The following CCNF variants were observed in gnomAD, a reference collection of about 807,000 sequenced individuals.
The protein encoded by CCNF is cyclin F.
CCNF carries 30 observed loss-of-function variants against 85.4 expected under a neutral mutation model. That is an observed-to-expected ratio of 0.35 (90% CI 0.26 to 0.48). The LOEUF is 0.48. CCNF is among the 20% of genes least tolerant of loss of function. The pLI is 0.99. For synonymous variants in CCNF, 439 were observed against 425.1 expected (o/e 1.03, Z -0.40); for missense variants, 919 against 1,010.4 (o/e 0.91, Z 1.23).
chr16:2,433,094 A>C, intron 3 of CCNF, 27 bp downstream of exon 3: 4 of 1,462,752 alleles, frequency 2.7e-6, no homozygotes, highest in Non-Finnish European at 3.8e-6. Context: ...AGAATGGCTC[A>C]GTCTTCTCCT....
At position 2,438,136 on chromosome 16, in the gene CCNF, G is replaced by C. The variant is rs763581056; in HGVS notation, c.594+13G>C. ...GAGTCTGTTCGAGGTGAGTCAAGTT[G>C]TTCTCTGCACTGGGACTTTGTGTTC... On this transcript the variant is annotated intron_variant, in intron 6 of 16. Coordinates refer to ENST00000397066, the MANE Select transcript of CCNF (RefSeq NM_001761.3). 6.3e-7 allele frequency: 1 copy of C among 1,590,284 alleles called. No homozygotes were observed. The highest frequency in any genetic ancestry group is 1.7e-5 in the Admixed American group (1 of 59,998).
In CCNF at chr16:2,456,686, A is replaced by C; in HGVS notation, c.2027A>C (p.Gln676Pro). 1 of 1,613,570 alleles carries C rather than the reference A, an allele frequency of 6.2e-7. No homozygotes were observed. The highest frequency in any genetic ancestry group is 8.5e-7 in the Non-Finnish European group (1 of 1,179,912). Residue 676 changes from glutamine (Q) to proline (P), a missense_variant, in exon 17 of 17, where the codon CAG becomes CCG. Gln to Pro is a moderately conservative substitution (Grantham distance 76). This residue lies in a region of CCNF where 505 missense variants were observed against 514.8 expected (regional missense o/e 0.98). Transcript: ENST00000397066. The surrounding 1 kb of genome is among the most constrained non-coding windows in gnomAD (Gnocchi z 4.5). Reference protein sequence around the residue: ...QDPQALALDTQIPATPGPKPL... With the variant: ...QDPQALALDTPIPATPGPKPL... ...CCACAGGCACTGGCGCTGGACACCC[A>C]GATCCCTGCAACCCCTGGACCCAAA...
At position 2,452,873 on chromosome 16, in the gene CCNF, T is replaced by C; in HGVS notation, c.1488-337T>C. 6.0e-6 allele frequency: 2 copies of C among 333,360 alleles called. No homozygotes were observed. The highest frequency in any genetic ancestry group is 1.8e-3 in the Middle Eastern group (2 of 1,082). 20.7% of individuals were successfully genotyped at this position (333,360 alleles called of 1,614,324 possible). On this transcript the variant is annotated intron_variant, in intron 13 of 16. Coordinates refer to ENST00000397066, the MANE Select transcript of CCNF (RefSeq NM_001761.3). The surrounding 1 kb of genome is among the most constrained non-coding windows in gnomAD (Gnocchi z 4.1). Reference sequence around the variant, plus strand: ...TGTCCATGTGGTGTGTGTCCCTGCTTTGTTCTTTTTCATGGCTGAATAATA... The same window carrying C: ...TGTCCATGTGGTGTGTGTCCCTGCTCTGTTCTTTTTCATGGCTGAATAATA...
chr16:2,440,356 C>T (rs983060061), intron 8 of CCNF, among the ~76,000 whole-genome samples: 24 of 152,306 alleles, frequency 1.6e-4, no homozygotes, highest in Middle Eastern at 3.4e-3. Flanking sequence ...CGGTGGCTCA[C>T]GCCTGAAATC....
chr16:2,435,622 CACACACA>C, intron 3 of CCNF, among the ~76,000 whole-genome samples, 177 bp from the exon 4 acceptor site: 1 of 11,076 alleles, frequency 9.0e-5, no homozygotes, highest in African/African-American at 2.5e-3. Flanking sequence ...TGCACACACA[CACACACA>C]TATATATGCA....
At chr16:2,435,564 A>T (rs896488369) in intron 3 of CCNF, among the ~76,000 whole-genome samples, 6 of 151,452 alleles carry the variant, frequency 4.0e-5, no homozygotes, top group Non-Finnish European at 8.8e-5. Context: ...CAGCCTGGGC[A>T]ACAGAGCAAG....
rs757704196 is a variant in CCNF at position 2,453,256 on chromosome 16, G to T, written c.1534G>T (p.Ala512Ser). 1 of 1,613,870 alleles carries T rather than the reference G, an allele frequency of 6.2e-7. No individual in the cohort carries two copies. The highest frequency in any genetic ancestry group is 1.1e-5 in the South Asian group (1 of 91,084). Residue 512 changes from alanine to serine, a missense_variant, in exon 14 of 17, where the codon GCC becomes TCC. Around this residue, in one of 3 missense-constraint regions of CCNF, gnomAD observed 505 missense variants for 514.8 expected, o/e 0.98. Transcript: ENST00000397066. This position sits in a 1 kb window ranked among gnomAD's most constrained non-coding sequence, Gnocchi z 5.6. ...GGACTACAGGCAAGTCTCTCTGACC[G>T]CCGTGAAGCAGCGGTTTGAGGACAA... ...PKDYRQVSLT[A>S]VKQRFEDKRY...
rs569460165 is a variant in CCNF, at chr16:2,444,390, C to T, written c.929+590C>T. Among the ~76,000 whole-genome samples, 451 of 150,974 alleles carry T rather than the reference C, an allele frequency of 3.0e-3. 3 individuals carry two copies. The highest frequency in any genetic ancestry group is 5.3e-3 in the Non-Finnish European group (362 of 67,730). Reference sequence around the variant, plus strand: ...TCTCGGCTCACTGCAAGCTCCACCTCCCGGGTTCACACCATTCTCCTGCCT... The same window carrying T: ...TCTCGGCTCACTGCAAGCTCCACCTTCCGGGTTCACACCATTCTCCTGCCT... On this transcript the variant is annotated intron_variant, in intron 9 of 16. Transcript: ENST00000397066.
Position 2,456,151 on chromosome 16 carries a change from A to C in CCNF, c.1886-394A>C. ...ACTGTAGCCTGGGCGTTCTTTCTAG[A>C]ATGTTGTTTGAGGTGTGCCCACGTG... On this transcript the variant is annotated intron_variant, in intron 16 of 16. Transcript: ENST00000397066. The surrounding 1 kb of genome is among the most constrained non-coding windows in gnomAD (Gnocchi z 4.5). The C allele has an allele frequency of 5.4e-6, 1 of 185,336 alleles. No homozygotes were observed. The highest frequency in any genetic ancestry group is 1.5e-4 in the East Asian group (1 of 6,628). 11.5% of individuals were successfully genotyped at this position (185,336 alleles called of 1,614,324 possible).
At chr16:2,442,961 T>G (rs1234806892) in intron 8 of CCNF, among the ~76,000 whole-genome samples, 5 of 102,780 alleles carry the variant, frequency 4.9e-5, no homozygotes, top group Non-Finnish European at 8.8e-5. Context: ...TTATATATTT[T>G]TATATATTTA....
chr16:2,439,872 T>A, intron 8 of CCNF, 46 bp downstream of exon 8: 1 of 1,538,248 alleles, frequency 6.5e-7, no homozygotes. Flanking sequence ...CCTTTCTCCC[T>A]CCAGCCTTGG....
At chr16:2,435,699 ATATAT>A in intron 3 of CCNF, 102 bp from the exon 4 acceptor site, 1 of 471,110 alleles carries the variant, frequency 2.1e-6, no homozygotes. Context: ...ATATATATAT[ATATAT>A]TCAATTCAGG....
intron 3 of CCNF, 132 bp from the exon 4 acceptor site, chr16:2,435,664 CACATATATAT>C (rs1162497454): frequency 4.2e-5 from 7 of 165,484 alleles, no homozygotes; most frequent in South Asian, 1.8e-4. Flanking sequence ...TGCACACACA[CACATATATAT>C]ATATATATAT....
chr16:2,447,781 C>G (rs2065370030), intron 10 of CCNF, among the ~76,000 whole-genome samples: 1 of 152,026 alleles, frequency 6.6e-6, no homozygotes, highest in South Asian at 2.1e-4. Context: ...AAAGGCTGAG[C>G]TGCCCCCCAC....
At chr16:2,438,176 C>A (rs375261111) in intron 6 of CCNF, 53 bp downstream of exon 6, 3 of 1,300,942 alleles carry the variant, frequency 2.3e-6, no homozygotes, top group Non-Finnish European at 3.4e-6. Context: ...CATCCCTAGC[C>A]GAGATCCTGG....
At chr16:2,443,324 G>T (rs1029832886) in intron 8 of CCNF, among the ~76,000 whole-genome samples, 1 of 151,350 alleles carries the variant, frequency 6.6e-6, no homozygotes, top group African/African-American at 2.4e-5. Context: ...ATTGGCAGAA[G>T]CCTTTCGGAG....
chr16:2,436,852 C>A, intron 4 of CCNF: 1 of 273,182 alleles, frequency 3.7e-6, no homozygotes, highest in South Asian at 1.5e-4. Context: ...GGACATGAAG[C>A]GTCGCGGGGT....
Position 2,455,700 on chromosome 16 carries a change from T to C in CCNF, c.1885+136T>C, listed in dbSNP as rs957580754. 18 of 1,352,474 alleles carry C rather than the reference T, an allele frequency of 1.3e-5. No individual in the cohort carries two copies. In the African/African-American group the frequency reaches 2.2e-4, roughly 17 times the overall value. 83.8% of individuals were successfully genotyped at this position (1,352,474 alleles called of 1,614,324 possible). A position where few individuals can be genotyped will look rare whatever the true frequency, so the allele number is the denominator to read the frequency against. On this transcript the variant is annotated intron_variant, in intron 16 of 16. Transcript: ENST00000397066. ...CAGAGTGCGGGGTGGGGCCAGCTCCTGCCCCGCCGGGGAGTGTGTCCAGAC... is the reference window on the plus strand; with the variant it reads ...CAGAGTGCGGGGTGGGGCCAGCTCCCGCCCCGCCGGGGAGTGTGTCCAGAC...
In CCNF at chr16:2,439,742, T is replaced by C. The variant is rs1217476104; in HGVS notation, c.700-7T>C. ...TGTACAAAGGCTCGGTGATCTCCCA[T>C]TGACAGGTGTCAGATCCTGGGCGAT... On this transcript the variant is annotated splice_region_variant and splice_polypyrimidine_tract_variant and intron_variant, in intron 7 of 16. Transcript: ENST00000397066. The C allele has an allele frequency of 1.2e-6, 2 of 1,612,988 alleles. No individual in the cohort carries two copies. Among genetic ancestry groups the C allele is most frequent in the Non-Finnish European group, 1.7e-6 (2 of 1,179,118 alleles).
Sources: allele counts gnomAD v4.1 joint callset (sites outside exome capture counted in the v4.1 genomes callset), GRCh38; gene constraint gnomAD v4.1.1; regional missense constraint gnomAD v4.1.1; non-coding constraint Gnocchi (gnomAD v3.1); transcripts MANE v1.5; gene names NCBI Gene and HGNC (gene_info 2026-07-23, HGNC 2026-07-21).